MOCOS: variants seen among roughly 807,000 people sequenced by gnomAD.
The protein encoded by MOCOS is human molybdenum cofactor sulfurase.
In MOCOS, 86 loss-of-function variants were observed where a neutral mutation model predicts 83.6. That is an observed-to-expected ratio of 1.03 (90% CI 0.86 to 1.23). The LOEUF (loss-of-function observed/expected upper bound fraction) is 1.23. Among genes scored for constraint, MOCOS ranks in the 50% most tolerant of loss-of-function variants. The probability of loss-of-function intolerance (pLI) is 0.00; values close to 1 mark genes in which losing one functional copy is unlikely to be tolerated. For missense variants in MOCOS, 1,120 were observed against 1,126.9 expected (o/e 0.99, Z 0.09); for synonymous variants, 445 against 434.7 (o/e 1.02, Z -0.29).
chr18:36,258,821 A>G (rs1014490872), intron 12 of MOCOS, among the ~76,000 whole-genome samples: 4 of 152,174 alleles, frequency 2.6e-5, no homozygotes, highest in African/African-American at 9.7e-5. Flanking sequence ...GAATGAGGCA[A>G]AGTATCTGCT....
At chr18:36,208,993 T>G (rs1340642516) in intron 6 of MOCOS, among the ~76,000 whole-genome samples, 2 of 152,196 alleles carry the variant, frequency 1.3e-5, no homozygotes, top group African/African-American at 4.8e-5. Flanking sequence ...TTGGGAGTTT[T>G]TAACAGAAGG....
chr18:36,220,016 G>T (rs1568056545), intron 8 of MOCOS, 39 bp from the exon 9 acceptor site: 1 of 1,611,964 alleles, frequency 6.2e-7, no homozygotes, highest in Non-Finnish European at 8.5e-7. Flanking sequence ...ACCAACTTTG[G>T]GGAGCCCTGG....
Position 36,213,238 on chromosome 18 carries a change from A to T in MOCOS, c.1219-128A>T. 3.9e-6 allele frequency: 3 copies of T among 771,664 alleles called. No homozygotes were observed. In the South Asian group the frequency reaches 4.4e-5, roughly 11 times the overall value. The allele number at this position is 771,664 out of a possible 1,614,324, so 47.8% of individuals were successfully genotyped here. On this transcript the variant is annotated intron_variant, in intron 6 of 14. Transcript: ENST00000261326. The stretch of plus-strand genomic sequence containing the variant: ...CGTTTAACCTGTGATAAATCATTTT[A>T]GAGGACAATTCCAGGCTTGTATCAT...
chr18:36,238,327 T>G (rs1473091394), intron 9 of MOCOS, among the ~76,000 whole-genome samples: 4 of 151,526 alleles, frequency 2.6e-5, no homozygotes, highest in Non-Finnish European at 5.9e-5. Context: ...GATGCTGGTA[T>G]GTTGTGTCTT....
intron 1 of MOCOS, among the ~76,000 whole-genome samples, chr18:36,190,889 T>G (rs1359818721): frequency 6.6e-6 from 1 of 151,748 alleles, no homozygotes; most frequent in Non-Finnish European, 1.5e-5. Flanking sequence ...ATAAAAAAAT[T>G]AGCCCGGTGT....
chr18:36,209,988 A>G (rs1489019878), intron 6 of MOCOS, among the ~76,000 whole-genome samples: 2 of 152,108 alleles, frequency 1.3e-5, no homozygotes, highest in Non-Finnish European at 2.9e-5. Context: ...ACAGGTGTGC[A>G]CCACTGTACC....
At chr18:36,237,202 T>A (rs1483325417) in intron 9 of MOCOS, among the ~76,000 whole-genome samples, 3 of 146,428 alleles carry the variant, frequency 2.0e-5, no homozygotes, top group African/African-American at 5.1e-5. Context: ...GGCATCCCTG[T>A]CTTGTGCCAG....
In MOCOS at chr18:36,235,400, T is replaced by C. The variant is rs1361353283; in HGVS notation, c.1961-13522T>C. On this transcript the variant is annotated intron_variant, in intron 9 of 14. Transcript: ENST00000261326. ...TGCGGTGTTTGGTTTTTTGTTCTTG[T>C]GATAGTTTACTGAGAATGATGATTT... Among the ~76,000 whole-genome samples, 39 of 132,354 alleles carry C rather than the reference T, an allele frequency of 2.9e-4. 1 individual carries two copies. The South Asian group carries it at 8.8e-3, about 30-fold the overall frequency. 86.8% of individuals were successfully genotyped at this position (132,354 alleles called of 152,430 possible). A position where few individuals can be genotyped will look rare whatever the true frequency, so the allele number is the denominator to read the frequency against.
intron 14 of MOCOS, among the ~76,000 whole-genome samples, chr18:36,267,410 C>T (rs2091685470): frequency 6.6e-6 from 1 of 152,140 alleles, no homozygotes; most frequent in South Asian, 2.1e-4. Context: ...TTCCAGGAAG[C>T]CAAGAAAAGC....
intron 4 of MOCOS, among the ~76,000 whole-genome samples, chr18:36,200,726 T>C (rs1309405281): frequency 6.6e-6 from 1 of 152,178 alleles, no homozygotes; most frequent in South Asian, 2.1e-4. Flanking sequence ...GGTGGCACCA[T>C]TTGGAAAAAG....
intron 13 of MOCOS, among the ~76,000 whole-genome samples, chr18:36,266,389 G>T (rs2091682001): frequency 6.6e-6 from 1 of 152,082 alleles, no homozygotes; most frequent in South Asian, 2.1e-4. Flanking sequence ...GTCCGCCTCT[G>T]CCTCCCGAAG....
rs667667 is a variant in MOCOS, at chr18:36,205,222, A to T, written c.1164A>T (p.Pro388=). 6.2e-7 allele frequency: 1 copy of T among 1,613,908 alleles called. No homozygotes were observed. Among genetic ancestry groups the T allele is most frequent in the East Asian group, 2.2e-5 (1 of 44,834 alleles). Residue 388 remains proline (P), a synonymous_variant, in exon 6 of 15, where the codon CCA becomes CCT. Transcript: ENST00000261326. ...SEFSSPEVQG[P]IINFNVLDDK... Reference sequence around the variant, plus strand: ...TCAGCAGCCCTGAGGTTCAGGGCCCAATCATCAATTTTAATGTGCTGGATG... The same window carrying T: ...TCAGCAGCCCTGAGGTTCAGGGCCCTATCATCAATTTTAATGTGCTGGATG...
At chr18:36,205,339 T>A in intron 6 of MOCOS, 63 bp downstream of exon 6, 1 of 1,537,010 alleles carries the variant, frequency 6.5e-7, no homozygotes, top group Non-Finnish European at 9.0e-7. Flanking sequence ...ACGAGAGCAA[T>A]GTAGTGTGAC....
Position 36,194,499 on chromosome 18 carries a change from C to T in MOCOS, c.143-758C>T, listed in dbSNP as rs371482867. Among the ~76,000 whole-genome samples, 8 of 152,220 alleles carry T rather than the reference C, an allele frequency of 5.3e-5. No individual in the cohort carries two copies. The East Asian group carries it at 1.3e-3, about 26-fold the overall frequency. On this transcript the variant is annotated intron_variant, in intron 1 of 14. Transcript: ENST00000261326. Reference sequence around the variant, plus strand: ...TTTGCTATTGCAGGCAATAGTTCGTCGAATAGCCTTATATTCAGGTCATTC... The same window carrying T: ...TTTGCTATTGCAGGCAATAGTTCGTTGAATAGCCTTATATTCAGGTCATTC...
chr18:36,233,653 A>G (rs2091546988), intron 9 of MOCOS, among the ~76,000 whole-genome samples: 1 of 152,230 alleles, frequency 6.6e-6, no homozygotes, highest in Non-Finnish European at 1.5e-5. Flanking sequence ...CATTCCCACC[A>G]GCAGTGTAAA....
Position 36,256,729 on chromosome 18 carries a change from C to T in MOCOS, c.2165-239C>T, listed in dbSNP as rs1159256902. Reference sequence around the variant, plus strand: ...CCTCCCAAAGTGCTGAGCCACTGTGCCCAGCCCTTATTGTTATTTTCTCCA... The same window carrying T: ...CCTCCCAAAGTGCTGAGCCACTGTGTCCAGCCCTTATTGTTATTTTCTCCA... On this transcript the variant is annotated intron_variant, in intron 11 of 14. Transcript: ENST00000261326. 22 of 443,678 alleles carry T rather than the reference C, an allele frequency of 5.0e-5. No homozygotes were observed. The East Asian group carries it at 1.1e-3, about 21-fold the overall frequency. 27.5% of individuals were successfully genotyped at this position (443,678 alleles called of 1,614,324 possible).
intron 9 of MOCOS, among the ~76,000 whole-genome samples, chr18:36,224,831 T>A (rs2091509377): frequency 6.6e-6 from 1 of 152,222 alleles, no homozygotes; most frequent in South Asian, 2.1e-4. Flanking sequence ...TGAGAAGATT[T>A]AGTATTAATT....
intron 2 of MOCOS, among the ~76,000 whole-genome samples, chr18:36,197,232 C>T (rs1026560789): frequency 5.3e-5 from 8 of 152,086 alleles, no homozygotes; most frequent in Non-Finnish European, 1.0e-4. Flanking sequence ...CAGGGCAATA[C>T]GTGGGGACTT....
chr18:36,199,566 C>G, intron 3 of MOCOS, 117 bp from the exon 4 acceptor site: 1 of 1,533,506 alleles, frequency 6.5e-7, no homozygotes, highest in Non-Finnish European at 8.9e-7. Context: ...GCAGCTGTGG[C>G]AAACCTATCT....
Sources: gnomAD v4.1 joint callset for allele counts (sites outside exome capture counted in the v4.1 genomes callset) on GRCh38, gnomAD v4.1.1 for gene constraint, MANE v1.5 for transcripts, NCBI Gene and HGNC (gene_info 2026-07-23, HGNC 2026-07-21) for gene names.